Variants in PLPPR1 observed in about 807,000 individuals in gnomAD.
PLPPR1 encodes the protein phospholipid phosphatase related 1.
Under a neutral mutation model 33.1 loss-of-function variants are expected in PLPPR1, and 10 were observed. The ratio of observed to expected loss-of-function variants is 0.30; its 90% CI spans 0.19 to 0.51. The LOEUF (loss-of-function observed/expected upper bound fraction) is 0.51. Among genes scored for constraint, PLPPR1 ranks in the 20% least tolerant of loss-of-function variants. The pLI, the probability that PLPPR1 is intolerant of heterozygous loss-of-function variation, is 0.97. For missense variants in PLPPR1, 304 were observed against 408.1 expected (o/e 0.74, Z 2.20); for synonymous variants, 151 against 151.0 (o/e 1.00, Z 0.00).
intron 2 of PLPPR1, among the ~76,000 whole-genome samples, chr9:101,214,474 C>T (rs1006112476): frequency 3.9e-5 from 6 of 152,076 alleles, no homozygotes; most frequent in Admixed American, 6.5e-5. Flanking sequence ...AAAATCAAAA[C>T]GCCAGTAGTA....
At chr9:101,259,095 C>T (rs1256512303) in intron 2 of PLPPR1, among the ~76,000 whole-genome samples, 1 of 152,062 alleles carries the variant, frequency 6.6e-6, no homozygotes, top group African/African-American at 2.4e-5. Flanking sequence ...TTATTATATG[C>T]TCTACATTTC....
At chr9:101,135,393 A>G (rs1831366298) in intron 1 of PLPPR1, among the ~76,000 whole-genome samples, 1 of 152,136 alleles carries the variant, frequency 6.6e-6, no homozygotes, top group South Asian at 2.1e-4. Context: ...GTATCACATC[A>G]CTTGCACTTT....
Position 101,106,508 on chromosome 9 carries a change from C to T in PLPPR1, c.-46+77406C>T, listed in dbSNP as rs904707651. Among the ~76,000 whole-genome samples the T allele has an allele frequency of 1.0e-4, 12 of 116,542 alleles. 1 individual carries two copies. Among genetic ancestry groups the T allele is most frequent in the African/African-American group, 2.6e-4 (7 of 26,592 alleles). The allele number at this position is 116,542 out of a possible 152,430, so 76.5% of individuals were successfully genotyped here. On this transcript the variant is annotated intron_variant, in intron 1 of 7. Transcript: ENST00000374874. ...CTCTTCTGGCTTGTATGGTTTCTGC[C>T]GAGAGATCCGCTGTTAGTCTGATGG...
At chr9:101,083,012 A>G (rs1367602536) in intron 1 of PLPPR1, among the ~76,000 whole-genome samples, 1 of 152,134 alleles carries the variant, frequency 6.6e-6, no homozygotes, top group African/African-American at 2.4e-5. Context: ...AGAAAAAGGA[A>G]TTTCCTAAGT....
intron 2 of PLPPR1, among the ~76,000 whole-genome samples, chr9:101,186,517 TC>T (rs2118719263): frequency 6.6e-6 from 1 of 151,938 alleles, no homozygotes; most frequent in South Asian, 2.1e-4. Context: ...TACTTTATTA[TC>T]CATATAAAAA....
chr9:101,084,415 T>A (rs75066255), intron 1 of PLPPR1, among the ~76,000 whole-genome samples: 1 of 152,138 alleles, frequency 6.6e-6, no homozygotes, highest in East Asian at 1.9e-4. Flanking sequence ...ACAGTGATGA[T>A]GATGATTTAT....
chr9:101,053,087 T>A (rs1440116409), intron 1 of PLPPR1, among the ~76,000 whole-genome samples: 3 of 152,300 alleles, frequency 2.0e-5, no homozygotes, highest in Middle Eastern at 3.4e-3. Flanking sequence ...CAGATTCACA[T>A]GTTAAATAGC....
intron 1 of PLPPR1, among the ~76,000 whole-genome samples, chr9:101,111,033 A>T (rs548261668): frequency 1.3e-5 from 2 of 152,272 alleles, no homozygotes; most frequent in East Asian, 3.9e-4. Flanking sequence ...TGTTATTAAA[A>T]ATAATGTCAT....
intron 2 of PLPPR1, among the ~76,000 whole-genome samples, chr9:101,221,639 C>T (rs1017367560): frequency 2.0e-5 from 3 of 152,156 alleles, no homozygotes; most frequent in African/African-American, 2.4e-5. Flanking sequence ...GTATTGCCAC[C>T]GTGCTTTAAA....
chr9:101,181,133 T>C (rs1217963393), intron 1 of PLPPR1, among the ~76,000 whole-genome samples: 4 of 147,694 alleles, frequency 2.7e-5, no homozygotes, highest in African/African-American at 7.4e-5. Flanking sequence ...AGATATATTA[T>C]ATATCTAATA....
chr9:101,261,811 T>A (rs1717737515), intron 2 of PLPPR1, among the ~76,000 whole-genome samples: 1 of 151,976 alleles, frequency 6.6e-6, no homozygotes, highest in Non-Finnish European at 1.5e-5. Flanking sequence ...CATCGACACA[T>A]AGAGGGGAAC....
At chr9:101,201,543 G>T (rs771320534) in intron 2 of PLPPR1, among the ~76,000 whole-genome samples, 1 of 151,984 alleles carries the variant, frequency 6.6e-6, no homozygotes, top group Admixed American at 6.6e-5. Flanking sequence ...TGACCATCTC[G>T]GACTTTCAGT....
intron 1 of PLPPR1, among the ~76,000 whole-genome samples, chr9:101,180,892 A>G (rs1826098789): frequency 6.6e-6 from 1 of 151,932 alleles, no homozygotes; most frequent in South Asian, 2.1e-4. Flanking sequence ...AAACGGGATT[A>G]CACCAAACAA....
intron 1 of PLPPR1, among the ~76,000 whole-genome samples, chr9:101,079,580 T>G (rs1830591965): frequency 8.6e-6 from 1 of 116,766 alleles, no homozygotes; most frequent in Non-Finnish European, 1.7e-5. Context: ...TCATTTTGAT[T>G]GCCTTTTTTT....
intron 4 of PLPPR1, among the ~76,000 whole-genome samples, chr9:101,298,527 G>T (rs116260941): frequency 6.6e-6 from 1 of 151,994 alleles, no homozygotes; most frequent in East Asian, 1.9e-4. Context: ...GAAAATCCTC[G>T]ATTTTGAAAG....
chr9:101,309,665 A>T lies in PLPPR1; in HGVS notation c.636+204A>T, dbSNP rs998345184. ...TCAATCTCCTGATCTGCCAGAGGAT[A>T]TTAGTTCTGGAATGTTTTGATAATC... On this transcript the variant is annotated intron_variant, in intron 5 of 7. Coordinates refer to ENST00000374874, the MANE Select transcript of PLPPR1 (RefSeq NM_207299.2). Among the ~76,000 whole-genome samples the T allele has an allele frequency of 9.2e-5, 14 of 152,104 alleles. No homozygotes were observed. In the South Asian group the frequency reaches 2.9e-3, roughly 31 times the overall value.
At chr9:101,251,999 CTGA>C (rs1261053871) in intron 2 of PLPPR1, among the ~76,000 whole-genome samples, 1 of 151,976 alleles carries the variant, frequency 6.6e-6, no homozygotes, top group African/African-American at 2.4e-5. Flanking sequence ...ATAAAAAATC[CTGA>C]TGATATGTTT....
rs539382662 is a variant in PLPPR1, at chr9:101,178,180, T to C, written c.-45-7270T>C. Among the ~76,000 whole-genome samples the C allele has an allele frequency of 2.0e-5, 3 of 152,288 alleles. No individual in the cohort carries two copies. The East Asian group carries it at 5.8e-4, about 29-fold the overall frequency. ...CTCAGCCTCTTTCCCCAGCCACCCA[T>C]GTCATTGCCCAATGGGCCCATGGAC... is the stretch of plus-strand genomic sequence containing the variant. On this transcript the variant is annotated intron_variant, in intron 1 of 7. Transcript: ENST00000374874.
At chr9:101,101,689 A>G (rs183829238) in intron 1 of PLPPR1, among the ~76,000 whole-genome samples, 12 of 152,314 alleles carry the variant, frequency 7.9e-5, no homozygotes, top group Admixed American at 1.3e-4. Flanking sequence ...TCAATGGACC[A>G]TATGGTTCAA....
Sources: allele counts gnomAD v4.1 joint callset (sites outside exome capture counted in the v4.1 genomes callset), GRCh38; gene constraint gnomAD v4.1.1; transcripts MANE v1.5; gene names NCBI Gene and HGNC (gene_info 2026-07-23, HGNC 2026-07-21).